NDUFA8: variants seen among roughly 807,000 people sequenced by gnomAD.
NDUFA8 encodes the protein NADH dehydrogenase [ubiquinone] 1 alpha subcomplex subunit 8.
In NDUFA8, 16 loss-of-function variants were observed where a neutral mutation model predicts 20.9. That is an observed-to-expected ratio of 0.77 (90% CI 0.52 to 1.16). The LOEUF (loss-of-function observed/expected upper bound fraction) is 1.16, where lower values mean the gene tolerates loss of function less well. Ranked by LOEUF, NDUFA8 falls within the 50% of genes most tolerant of loss-of-function variation. The probability of loss-of-function intolerance (pLI) is 0.00; values close to 1 mark genes in which losing one functional copy is unlikely to be tolerated. For missense variants in NDUFA8, 202 were observed against 216.4 expected, an observed-to-expected ratio of 0.93 and a Z score of 0.42; for synonymous variants, 70 against 76.1, an observed-to-expected ratio of 0.92 and a Z score of 0.41.
intron 1 of NDUFA8, among the ~76,000 whole-genome samples, 192 bp from the exon 2 acceptor site, chr9:122,152,600 G>C (rs1829020994): frequency 6.9e-6 from 1 of 145,820 alleles, no homozygotes; most frequent in African/African-American, 2.6e-5. Context: ...CCATTCCCCA[G>C]GCTGGAGTGC....
the NDUFA8 span, among the ~76,000 whole-genome samples, chr9:122,138,097 T>C: frequency 0.52 from 78,453 of 152,094 alleles, 21,558 homozygotes; most frequent in Middle Eastern, 0.65. Flanking sequence ...GTCAAACCAC[T>C]GTCATATGAC....
At position 122,144,369 on chromosome 9, in the gene NDUFA8, CT is replaced by C. The variant is rs774965907; in HGVS notation, c.390del (p.Val131Ter). The C allele has an allele frequency of 2.3e-4, 369 of 1,614,156 alleles. No individual in the cohort carries two copies. The highest frequency in any genetic ancestry group is 2.9e-4 in the Non-Finnish European group (340 of 1,180,000). ...PDLGELSKVT[K>X]VKTDRPLPEN... is the part of the protein sequence containing the mutation. Reference sequence around the variant, plus strand: ...TCCGGTAAAGGTCGATCTGTTTTCACTTTGGTGACCTGGGAAGGGTGAAGAG... The same window carrying C: ...TCCGGTAAAGGTCGATCTGTTTTCACTTGGTGACCTGGGAAGGGTGAAGAG... On this transcript the variant is annotated frameshift_variant, in exon 4 of 4. Transcript: ENST00000373768. LOFTEE classifies it high-confidence loss of function.
chr9:122,137,715 A>G, the NDUFA8 span, among the ~76,000 whole-genome samples: 21 of 152,188 alleles, frequency 1.4e-4, no homozygotes, highest in Non-Finnish European at 3.1e-4. Flanking sequence ...TCAAGAAAAC[A>G]TGAAAACTCC....
chr9:122,157,883 G>C (rs988628075), intron 1 of NDUFA8, among the ~76,000 whole-genome samples: 4 of 152,224 alleles, frequency 2.6e-5, no homozygotes, highest in Non-Finnish European at 5.9e-5. Flanking sequence ...GCCAGGCGCG[G>C]TGGCTCACGC....
At chr9:122,150,407 T>TCA (rs1828976624) in intron 2 of NDUFA8, among the ~76,000 whole-genome samples, 1 of 41,648 alleles carries the variant, frequency 2.4e-5, no homozygotes, top group Non-Finnish European at 4.1e-5. Flanking sequence ...TGACACCCCA[T>TCA]CACAAAAAAA....
At chr9:122,149,839 C>T (rs1433855733) in intron 2 of NDUFA8, among the ~76,000 whole-genome samples, 1 of 152,076 alleles carries the variant, frequency 6.6e-6, no homozygotes, top group Non-Finnish European at 1.5e-5. Flanking sequence ...CACCCGTAAT[C>T]CCAGCTACTC....
intron 1 of NDUFA8, among the ~76,000 whole-genome samples, chr9:122,154,935 A>G (rs957253907): frequency 1.3e-5 from 2 of 152,238 alleles, no homozygotes; most frequent in African/African-American, 4.8e-5. Context: ...AACATAGAGC[A>G]TTAACAGATT....
rs77745677 is a variant in NDUFA8 at position 122,155,818 on chromosome 9, G to T, written c.52-3410C>A. ...ATTATTCAAAGGCCCAAAACTATAC[G>T]GCCCAAAAAGACTGACGCATTATTT... On this transcript the variant is annotated intron_variant, in intron 1 of 3. Coordinates refer to ENST00000373768, the MANE Select transcript of NDUFA8 (RefSeq NM_014222.3). 2.0e-4 allele frequency among the ~76,000 whole-genome samples: 31 copies of T among 152,094 alleles called. 1 individual carries two copies. The East Asian group carries it at 4.6e-3, about 23-fold the overall frequency.
At chr9:122,134,172 G>T in the NDUFA8 span, among the ~76,000 whole-genome samples, 48 of 152,328 alleles carry the variant, frequency 3.2e-4, 1 homozygote, top group East Asian at 9.1e-3. Context: ...CACGTGGTAG[G>T]CTTGAAAAAT....
intron 3 of NDUFA8, 79 bp from the exon 4 acceptor site, chr9:122,144,457 G>A: frequency 7.5e-7 from 1 of 1,328,562 alleles, no homozygotes; most frequent in South Asian, 1.2e-5. Flanking sequence ...GCCTCCTGGT[G>A]TCTCCTCATT....
chr9:122,137,529 C>T, the NDUFA8 span, among the ~76,000 whole-genome samples: 204 of 152,304 alleles, frequency 1.3e-3, 1 homozygote, highest in African/African-American at 4.7e-3. Context: ...GCGTGAGCCA[C>T]CGCGCCTAGC....
chr9:122,138,144 A>G, the NDUFA8 span, among the ~76,000 whole-genome samples: 3 of 152,230 alleles, frequency 2.0e-5, no homozygotes, highest in Non-Finnish European at 4.4e-5. Flanking sequence ...GGAAAGGAAC[A>G]GTATTATCAT....
At chr9:122,135,789 ATGT>A in the NDUFA8 span, among the ~76,000 whole-genome samples, 1 of 152,060 alleles carries the variant, frequency 6.6e-6, no homozygotes. Context: ...GGGTTTCACC[ATGT>A]TGCCCAGGCT....
At chr9:122,147,572 T>A (rs980239889) in intron 3 of NDUFA8, among the ~76,000 whole-genome samples, 6 of 151,550 alleles carry the variant, frequency 4.0e-5, no homozygotes, top group Non-Finnish European at 8.8e-5. Flanking sequence ...TTTAATTAGC[T>A]AATTAACTAA....
Position 122,144,083 on chromosome 9 carries a change from G to A in NDUFA8, c.*158C>T. 1 of 1,492,686 alleles carries A rather than the reference G, an allele frequency of 6.7e-7. No individual in the cohort carries two copies. The allele number at this position is 1,492,686 out of a possible 1,614,324, so 92.5% of individuals were successfully genotyped here. A position where few individuals can be genotyped will look rare whatever the true frequency, so the allele number is the denominator to read the frequency against. On this transcript the variant is annotated 3_prime_UTR_variant, in exon 4 of 4. Coordinates refer to ENST00000373768, the MANE Select transcript of NDUFA8 (RefSeq NM_014222.3). The stretch of plus-strand genomic sequence containing the variant: ...TTTCCTTTAAAAATTTTAATGGACA[G>A]GAAATGGTATAGAATAACTGCCAAG...
chr9:122,139,303 G>A (rs1040971689), downstream of NDUFA8, among the ~76,000 whole-genome samples: 3 of 152,162 alleles, frequency 2.0e-5, no homozygotes, highest in Non-Finnish European at 4.4e-5. Context: ...CTCAAACTGC[G>A]CTTGCTCTGA....
At chr9:122,154,646 T>A (rs535966895) in intron 1 of NDUFA8, among the ~76,000 whole-genome samples, 1 of 152,256 alleles carries the variant, frequency 6.6e-6, no homozygotes, top group African/African-American at 2.4e-5. Flanking sequence ...TCTGCTACTT[T>A]ATTTTTTTCT....
In NDUFA8 at chr9:122,144,071, T is replaced by A. The variant is rs1210106102; in HGVS notation, c.*170A>T. On this transcript the variant is annotated 3_prime_UTR_variant, in exon 4 of 4. Coordinates refer to ENST00000373768, the MANE Select transcript of NDUFA8 (RefSeq NM_014222.3). ...AAAATACAACCGTTTCCTTTAAAAA[T>A]TTTAATGGACAGGAAATGGTATAGA... 1 of 1,468,892 alleles carries A rather than the reference T, an allele frequency of 6.8e-7. No homozygotes were observed. Among genetic ancestry groups the A allele is most frequent in the Non-Finnish European group, 9.0e-7 (1 of 1,115,092 alleles). The allele number at this position is 1,468,892 out of a possible 1,614,324, so 91.0% of individuals were successfully genotyped here.
chr9:122,159,195 C>T (rs1424651739), intron 1 of NDUFA8, among the ~76,000 whole-genome samples: 1 of 152,128 alleles, frequency 6.6e-6, no homozygotes, highest in Non-Finnish European at 1.5e-5. Context: ...GGCTTCGTCA[C>T]CCCACTCTAT....
Sources: gnomAD v4.1 joint callset for allele counts (sites outside exome capture counted in the v4.1 genomes callset) on GRCh38, gnomAD v4.1.1 for gene constraint, MANE v1.5 for transcripts, NCBI Gene and HGNC (gene_info 2026-07-23, HGNC 2026-07-21) for gene names.